Variants in PRUNE2 observed in about 807,000 individuals in gnomAD.
The protein encoded by PRUNE2 is prune homolog 2 with BCH domain.
Under a neutral mutation model 252.0 loss-of-function variants are expected in PRUNE2, and 164 were observed. That is an observed-to-expected ratio of 0.65 (90% confidence interval 0.57 to 0.74). The LOEUF (loss-of-function observed/expected upper bound fraction) is 0.74, where lower values mean the gene tolerates loss of function less well. Ranked by LOEUF, PRUNE2 falls within the 30% of genes least tolerant of loss-of-function variation. The pLI is 0.00. For synonymous variants in PRUNE2, 1,292 were observed against 1,350.2 expected (o/e 0.96, Z 0.94); for missense variants, 3,495 against 3,711.0 (o/e 0.94, Z 1.51).
chr9:76,703,519 T>G lies in PRUNE2; in HGVS notation c.8094A>C (p.Ser2698=). 6.2e-7 allele frequency: 1 copy of G among 1,613,876 alleles called. No homozygotes were observed. The highest frequency in any genetic ancestry group is 2.2e-5 in the East Asian group (1 of 44,878). ...LEEASGPVSQ[S]QKSKSRGRAG... is the part of the protein sequence containing the mutation. ...CCCTGCCTCGGCTCTTACTCTTCTGTGATTGGCTGACTGGACCAGAGGCTT... is the reference window on the plus strand; with the variant it reads ...CCCTGCCTCGGCTCTTACTCTTCTGGGATTGGCTGACTGGACCAGAGGCTT... Residue 2698 remains serine (S), a synonymous_variant, in exon 9 of 19, where the codon TCA becomes TCC. Coordinates refer to ENST00000376718, the MANE Select transcript of PRUNE2 (RefSeq NM_015225.3).
At chr9:76,737,613 A>G (rs1278937701) in intron 6 of PRUNE2, 1 of 152,266 alleles carries the variant, frequency 6.6e-6, no homozygotes, top group Non-Finnish European at 1.5e-5. Context: ...GGCAAAATTA[A>G]TCAACCATTC....
In PRUNE2 at chr9:76,873,370, A is replaced by G. The variant is rs183788153; in HGVS notation, c.37-19162T>C. 8.9e-3 allele frequency among the ~76,000 whole-genome samples: 1,352 copies of G among 152,314 alleles called. 26 individuals are homozygous for G. Among genetic ancestry groups the G allele is most frequent in the African/African-American group, 0.031 (1,307 of 41,552 alleles). ...AGAAGCCTTGTATATAGTCTCAGAA[A>G]TATTAATAATTCAGCTACACTCTGC... On this transcript the variant is annotated intron_variant, in intron 1 of 18. Transcript: ENST00000376718.
rs1219768479 is a variant in PRUNE2, at chr9:76,851,330, G to A, written c.142-665C>T. Among the ~76,000 whole-genome samples the A allele has an allele frequency of 5.3e-5, 8 of 152,216 alleles. No homozygotes were observed. The East Asian group carries it at 1.2e-3, about 22-fold the overall frequency. ...TGGGAGGCCAAGGCGGGCAGATCACGAGGTCAGGAGATCGAGACCATCCTG... is the reference window on the plus strand; with the variant it reads ...TGGGAGGCCAAGGCGGGCAGATCACAAGGTCAGGAGATCGAGACCATCCTG... On this transcript the variant is annotated intron_variant, in intron 2 of 18. Transcript: ENST00000376718.
intron 9 of PRUNE2, 66 bp downstream of exon 9, chr9:76,703,271 A>G: frequency 7.0e-7 from 1 of 1,424,364 alleles, no homozygotes; most frequent in Non-Finnish European, 9.4e-7. Flanking sequence ...ATAACCTCTA[A>G]CCATTTCCCA....
chr9:76,624,069 A>G (rs890742990), intron 17 of PRUNE2, among the ~76,000 whole-genome samples: 1 of 152,234 alleles, frequency 6.6e-6, no homozygotes, highest in Non-Finnish European at 1.5e-5. Context: ...AAAATCTTCC[A>G]AATCTCGATG....
intron 6 of PRUNE2, among the ~76,000 whole-genome samples, chr9:76,818,902 T>C (rs1205831749): frequency 2.6e-5 from 4 of 152,198 alleles, no homozygotes; most frequent in African/African-American, 9.7e-5. Context: ...AAGTCCTAAC[T>C]CTCAGCACCT....
intron 15 of PRUNE2, among the ~76,000 whole-genome samples, chr9:76,635,858 CA>C (rs1324795242): frequency 6.6e-6 from 1 of 152,138 alleles, no homozygotes; most frequent in African/African-American, 2.4e-5. Context: ...ATATTATGAA[CA>C]TAACTTATTT....
chr9:76,725,709 G>A (rs10115157), intron 6 of PRUNE2, among the ~76,000 whole-genome samples: 2,248 of 152,282 alleles, frequency 0.015, 54 homozygotes, highest in African/African-American at 0.051. Context: ...CACACATGCA[G>A]AGCCAGCAGT....
At chr9:76,788,304 T>C (rs564123622) in intron 6 of PRUNE2, 14 of 622,970 alleles carry the variant, frequency 2.2e-5, no homozygotes, top group African/African-American at 2.2e-4. Context: ...GAAAGAAACA[T>C]CTCTTACCGT....
intron 6 of PRUNE2, among the ~76,000 whole-genome samples, chr9:76,721,640 T>G (rs1472479042): frequency 6.6e-6 from 1 of 152,194 alleles, no homozygotes; most frequent in Non-Finnish European, 1.5e-5. Flanking sequence ...GCTGCATTTT[T>G]GGGAACAGTG....
At position 76,641,183 on chromosome 9, in the gene PRUNE2, A is replaced by G. The variant is rs551358928; in HGVS notation, c.8729-2895T>C. Among the ~76,000 whole-genome samples the G allele has an allele frequency of 2.0e-5, 3 of 152,350 alleles. No homozygotes were observed. In the East Asian group the frequency reaches 5.8e-4, roughly 29 times the overall value. On this transcript the variant is annotated intron_variant, in intron 12 of 18. Coordinates refer to ENST00000376718, the MANE Select transcript of PRUNE2 (RefSeq NM_015225.3). ...CTGTCTAAGTAAGAAATGTCTCGAT[A>G]TAAAAAGTATGGAAATTTATAAATG...
At chr9:76,649,431 T>C (rs1162576992) in intron 11 of PRUNE2, among the ~76,000 whole-genome samples, 2 of 152,040 alleles carry the variant, frequency 1.3e-5, no homozygotes, top group Non-Finnish European at 2.9e-5. Flanking sequence ...CAAAAAAATA[T>C]ACCAATTAGC....
At chr9:76,625,044 C>G in intron 16 of PRUNE2, 1 of 1,303,436 alleles carries the variant, frequency 7.7e-7, no homozygotes, top group Non-Finnish European at 1.0e-6. Flanking sequence ...CTTATAAGAT[C>G]TCTCTTCATC....
chr9:76,817,290 G>A (rs2057753108), intron 6 of PRUNE2, among the ~76,000 whole-genome samples: 1 of 152,270 alleles, frequency 6.6e-6, no homozygotes, highest in South Asian at 2.1e-4. Context: ...AATAGGACTG[G>A]CCTGGGATTT....
intron 6 of PRUNE2, among the ~76,000 whole-genome samples, chr9:76,749,963 C>T (rs569155925): frequency 7.2e-5 from 11 of 152,122 alleles, no homozygotes; most frequent in African/African-American, 1.9e-4. Context: ...TAGAATTTCC[C>T]GGGTGATAGG....
chr9:76,631,532 C>A (rs1001989534), intron 15 of PRUNE2, among the ~76,000 whole-genome samples: 1 of 152,210 alleles, frequency 6.6e-6, no homozygotes, highest in African/African-American at 2.4e-5. Flanking sequence ...TGAGTCATCA[C>A]CTCCTCAAGA....
intron 9 of PRUNE2, among the ~76,000 whole-genome samples, chr9:76,672,673 T>A (rs1412683792): frequency 6.7e-6 from 1 of 148,404 alleles, no homozygotes; most frequent in Non-Finnish European, 1.5e-5. Context: ...CCTCAGCAAA[T>A]GTTAAAGAAC....
intron 9 of PRUNE2, among the ~76,000 whole-genome samples, chr9:76,660,929 T>C (rs1469398733): frequency 1.3e-5 from 2 of 151,826 alleles, no homozygotes; most frequent in Non-Finnish European, 2.9e-5. Flanking sequence ...AAAAACCCTA[T>C]AAACTACACT....
At position 76,636,973 on chromosome 9, in the gene PRUNE2, A is replaced by ATGTGTGTGTG. The variant is rs71354667; in HGVS notation, c.8964-426_8964-417dup. Among the ~76,000 whole-genome samples, 1,236 of 145,420 alleles carry ATGTGTGTGTG rather than the reference A, an allele frequency of 8.5e-3. 28 individuals are homozygous for ATGTGTGTGTG. The highest frequency in any genetic ancestry group is 0.031 in the African/African-American group (1,174 of 37,618). ...TCCAACAACAACGACAACAACAAAA[A>ATGTGTGTGTG]TGTGTGTGTGTGTGTGTGTGTGTGT... is the stretch of plus-strand genomic sequence containing the variant. On this transcript the variant is annotated intron_variant, in intron 14 of 18. Coordinates refer to ENST00000376718, the MANE Select transcript of PRUNE2 (RefSeq NM_015225.3).
Sources: allele counts gnomAD v4.1 joint callset (sites outside exome capture counted in the v4.1 genomes callset), GRCh38; gene constraint gnomAD v4.1.1; transcripts MANE v1.5; gene names NCBI Gene and HGNC (gene_info 2026-07-23, HGNC 2026-07-21).